ANO1: variants seen among roughly 807,000 people sequenced by gnomAD.
The protein encoded by ANO1 is anoctamin 1.
Under a neutral mutation model 124.0 loss-of-function variants are expected in ANO1, and 59 were observed. The ratio of observed to expected loss-of-function variants is 0.48; its 90% CI spans 0.39 to 0.59. The LOEUF is 0.59. Among genes scored for constraint, ANO1 ranks in the 20% least tolerant of loss-of-function variants. The probability of loss-of-function intolerance (pLI) is 0.00; values close to 1 mark genes in which losing one functional copy is unlikely to be tolerated. For missense variants in ANO1, 1,059 were observed against 1,328.0 expected, an observed-to-expected ratio of 0.80 and a Z score of 3.15; for synonymous variants, 529 against 532.0, an observed-to-expected ratio of 0.99 and a Z score of 0.08.
chr11:70,100,065 C>T (rs542583843), intron 2 of ANO1, among the ~76,000 whole-genome samples: 19 of 152,268 alleles, frequency 1.2e-4, no homozygotes, highest in South Asian at 6.2e-4. Flanking sequence ...AGGGTCCCCA[C>T]GCCGCACATT....
At chr11:70,060,150 A>G (rs1857541195) in intron 1 of ANO1, among the ~76,000 whole-genome samples, 1 of 152,104 alleles carries the variant, frequency 6.6e-6, no homozygotes, top group South Asian at 2.1e-4. Flanking sequence ...CTTTCGGCCC[A>G]GATGGCAAAA....
chr11:70,015,099 T>C (rs1856678544), intron 1 of ANO1: 1 of 152,120 alleles, frequency 6.6e-6, no homozygotes, highest in Non-Finnish European at 1.5e-5. Context: ...CAGGCCACTG[T>C]CCCTTTTGGC....
chr11:70,089,402 T>C (rs2044530668), intron 2 of ANO1, among the ~76,000 whole-genome samples: 1 of 152,032 alleles, frequency 6.6e-6, no homozygotes, highest in African/African-American at 2.4e-5. Context: ...GAACCTGGAG[T>C]GGAAACGCCT....
chr11:70,094,714 C>T (rs1164291707), intron 2 of ANO1, among the ~76,000 whole-genome samples: 2 of 152,294 alleles, frequency 1.3e-5, no homozygotes, highest in East Asian at 1.9e-4. Context: ...GCCTCTTGCA[C>T]GATGGGATGT....
At chr11:70,168,322 GC>G (rs767846779) in intron 21 of ANO1, among the ~76,000 whole-genome samples, 62 of 152,116 alleles carry the variant, frequency 4.1e-4, no homozygotes, top group Non-Finnish European at 7.8e-4. Flanking sequence ...CTCTCTCCCT[GC>G]CTCCCAGGCT....
the ANO1 span, among the ~76,000 whole-genome samples, chr11:69,968,397 A>G: frequency 1.3e-5 from 2 of 152,206 alleles, no homozygotes; most frequent in African/African-American, 4.8e-5. Flanking sequence ...GCAGAGGCAG[A>G]CAGGGTGAGC....
intron 1 of ANO1, among the ~76,000 whole-genome samples, chr11:70,048,925 C>T (rs1434521856): frequency 1.4e-4 from 21 of 152,062 alleles, no homozygotes; most frequent in African/African-American, 4.8e-4. Context: ...TCTTGAATGT[C>T]GAGGGCCACG....
rs371843635 is a variant in ANO1 at position 70,103,055 on chromosome 11, T to C, written c.442-11T>C. 2.5e-6 allele frequency: 4 copies of C among 1,603,296 alleles called. No homozygotes were observed. In the African/African-American group the frequency reaches 4.0e-5, roughly 16 times the overall value. On this transcript the variant is annotated splice_polypyrimidine_tract_variant and intron_variant, in intron 2 of 25. Coordinates refer to ENST00000355303, the MANE Select transcript of ANO1 (RefSeq NM_018043.7). ...CCCCCCCTCAACCCAGAACTTTCCTTCTCTCTCCAGACTAAAATCCACGGA... is the reference window on the plus strand; with the variant it reads ...CCCCCCCTCAACCCAGAACTTTCCTCCTCTCTCCAGACTAAAATCCACGGA...
rs556437488 is a variant in ANO1 at position 70,026,465 on chromosome 11, G to T, written c.58+40299G>T. The stretch of plus-strand genomic sequence containing the variant: ...GGTGGTGATGACAATGGTGATGATG[G>T]TGAAGATGGTGGTGGTGGTGATGCT... On this transcript the variant is annotated intron_variant, in intron 1 of 27. Transcript: ENST00000531349. 2.0e-5 allele frequency among the ~76,000 whole-genome samples: 3 copies of T among 147,646 alleles called. No individual in the cohort carries two copies. The South Asian group carries it at 6.7e-4, about 33-fold the overall frequency.
intron 16 of ANO1, 112 bp downstream of exon 16, chr11:70,157,133 G>A (rs1353471934): frequency 1.3e-5 from 12 of 890,108 alleles, no homozygotes; most frequent in Admixed American, 6.6e-5. Context: ...TTGGGAGGCC[G>A]AGGCGGGCAG....
At chr11:70,010,171 G>GTATATATATATATATATATATATA (rs1460218173) in intron 1 of ANO1, among the ~76,000 whole-genome samples, 6 of 50,276 alleles carry the variant, frequency 1.2e-4, no homozygotes, top group African/African-American at 3.9e-4. Flanking sequence ...GTGTGCGCGT[G>GTATATATATATATATATATATATA]TGTGTGTGTA....
At chr11:70,062,764 G>A (rs116308453) in intron 1 of ANO1, among the ~76,000 whole-genome samples, 77 of 152,318 alleles carry the variant, frequency 5.1e-4, no homozygotes, top group African/African-American at 1.8e-3. Context: ...TCTCTGAGCG[G>A]GAAGTACTAG....
At chr11:70,020,301 C>A (rs148460596) in intron 1 of ANO1, among the ~76,000 whole-genome samples, 374 of 152,338 alleles carry the variant, frequency 2.5e-3, no homozygotes, top group African/African-American at 8.5e-3. Context: ...CCACACCCTT[C>A]TTCCATCCTC....
At chr11:70,131,877 T>C (rs1295042316) in intron 10 of ANO1, 42 bp from the exon 11 acceptor site, 1 of 1,578,598 alleles carries the variant, frequency 6.3e-7, no homozygotes, top group Non-Finnish European at 8.6e-7. Flanking sequence ...TGCTCCATCA[T>C]GGCCCAACAA....
At chr11:70,156,069 T>A in intron 15 of ANO1, 81 bp downstream of exon 15, 2 of 1,266,802 alleles carry the variant, frequency 1.6e-6, no homozygotes, top group Non-Finnish European at 2.1e-6. Context: ...CTCAACAAAC[T>A]GTTGTATATA....
In ANO1 at chr11:70,138,148, C is replaced by T. The variant is rs1410220227; in HGVS notation, c.1258+6069C>T. 3.4e-5 allele frequency among the ~76,000 whole-genome samples: 5 copies of T among 146,142 alleles called. No homozygotes were observed. The Admixed American group carries it at 3.7e-4, about 11-fold the overall frequency. On this transcript the variant is annotated intron_variant, in intron 11 of 25. Coordinates refer to ENST00000355303, the MANE Select transcript of ANO1 (RefSeq NM_018043.7). ...TCACCTGAGGTCAGAAGCTCAAGAC[C>T]AGTCAGGCCAACATGGTGAAACCCC...
intron 1 of ANO1, among the ~76,000 whole-genome samples, chr11:70,047,080 C>CAAAAAAA (rs10660510): frequency 1.4e-5 from 1 of 73,754 alleles, no homozygotes; most frequent in African/African-American, 4.1e-5. Context: ...GACTCTGTCT[C>CAAAAAAA]AAAAAAAAAA....
chr11:69,985,288 A>T (rs1466609821), upstream of ANO1, among the ~76,000 whole-genome samples: 5 of 140,790 alleles, frequency 3.6e-5, no homozygotes, highest in African/African-American at 1.3e-4. Flanking sequence ...TTCTCACTTT[A>T]TCCAGATTTC....
intron 1 of ANO1, among the ~76,000 whole-genome samples, chr11:69,988,300 G>C (rs543159251): frequency 6.6e-6 from 1 of 152,212 alleles, no homozygotes; most frequent in South Asian, 2.1e-4. Context: ...GTGAAGTACA[G>C]AGAGCCCCAA....
Sources: gnomAD v4.1 joint callset for allele counts (sites outside exome capture counted in the v4.1 genomes callset) on GRCh38, gnomAD v4.1.1 for gene constraint, MANE v1.5 for transcripts, NCBI Gene and HGNC (gene_info 2026-07-23, HGNC 2026-07-21) for gene names.